The following ZFPM2 variants were observed in gnomAD, a reference collection of about 807,000 sequenced individuals.
ZFPM2 encodes the protein zinc finger protein, FOG family member 2.
ZFPM2 carries 20 observed loss-of-function variants against 98.6 expected under a neutral mutation model. The ratio of observed to expected loss-of-function variants is 0.20; its 90% CI spans 0.14 to 0.29. ZFPM2 has a LOEUF of 0.29. ZFPM2 is among the 10% of genes least tolerant of loss of function. The pLI is 1.00. For synonymous variants in ZFPM2, 518 were observed against 502.7 expected (o/e 1.03, Z -0.41); for missense variants, 1,310 against 1,388.6 (o/e 0.94, Z 0.90).
intron 5 of ZFPM2, among the ~76,000 whole-genome samples, chr8:105,747,356 T>C (rs1264113866): frequency 6.6e-6 from 1 of 152,124 alleles, no homozygotes; most frequent in African/African-American, 2.4e-5. Flanking sequence ...AGTTTGGTCC[T>C]CTTTTGTAAG....
At chr8:105,406,756 A>G (rs139616530) in intron 1 of ZFPM2, among the ~76,000 whole-genome samples, 149 of 152,124 alleles carry the variant, frequency 9.8e-4, no homozygotes, top group African/African-American at 3.3e-3. Flanking sequence ...CATTTTAATC[A>G]AACTTTCGGC....
chr8:105,703,523 T>TA (rs1295247198), intron 5 of ZFPM2, among the ~76,000 whole-genome samples: 1 of 152,120 alleles, frequency 6.6e-6, no homozygotes, highest in East Asian at 1.9e-4. Flanking sequence ...TTGTTTTTTT[T>TA]AATAAGGTCT....
Position 105,762,253 on chromosome 8 carries a change from G to A in ZFPM2, c.533-26465G>A, listed in dbSNP as rs142567074. On this transcript the variant is annotated intron_variant, in intron 5 of 7. Transcript: ENST00000407775. ...GTACTGATAGTATTAGTTCCAAGATGGTGCAAGGTTTTAGACTACAGTATT... is the reference window on the plus strand; with the variant it reads ...GTACTGATAGTATTAGTTCCAAGATAGTGCAAGGTTTTAGACTACAGTATT... Among the ~76,000 whole-genome samples the A allele has an allele frequency of 2.6e-3, 399 of 151,980 alleles. 1 individual carries two copies. The highest frequency in any genetic ancestry group is 8.3e-3 in the African/African-American group (344 of 41,476).
chr8:105,759,795 G>A (rs1256077599), intron 5 of ZFPM2, among the ~76,000 whole-genome samples: 2 of 151,842 alleles, frequency 1.3e-5, no homozygotes, highest in Non-Finnish European at 2.9e-5. Context: ...TTTATATCTT[G>A]CTTACTGGTG....
At chr8:105,721,716 GC>G (rs1351795682) in intron 5 of ZFPM2, among the ~76,000 whole-genome samples, 3 of 151,772 alleles carry the variant, frequency 2.0e-5, no homozygotes, top group Non-Finnish European at 4.4e-5. Context: ...CCTTCATCAG[GC>G]CTTCTATCCA....
At chr8:105,798,658 C>A in intron 6 of ZFPM2, 66 bp from the exon 7 acceptor site, 1 of 1,426,104 alleles carries the variant, frequency 7.0e-7, no homozygotes, top group Non-Finnish European at 9.6e-7. Flanking sequence ...GAACTAAATG[C>A]TGCTTTACCC....
At chr8:105,662,127 GGA>G (rs1817401633) in intron 5 of ZFPM2, among the ~76,000 whole-genome samples, 1 of 152,094 alleles carries the variant, frequency 6.6e-6, no homozygotes, top group Admixed American at 6.6e-5. Flanking sequence ...CACGCGTGAT[GGA>G]GGAGGCAGGG....
At chr8:105,680,105 A>C (rs1159444163) in intron 5 of ZFPM2, among the ~76,000 whole-genome samples, 1 of 152,184 alleles carries the variant, frequency 6.6e-6, no homozygotes, top group Non-Finnish European at 1.5e-5. Flanking sequence ...AAATATTTTG[A>C]AACAAAATAT....
At chr8:105,488,492 T>A (rs549747029) in intron 3 of ZFPM2, among the ~76,000 whole-genome samples, 2 of 152,230 alleles carry the variant, frequency 1.3e-5, no homozygotes, top group South Asian at 4.2e-4. Context: ...CCGGGCGCGG[T>A]GGTTTACACC....
At chr8:105,777,833 T>C (rs1380971034) in intron 5 of ZFPM2, among the ~76,000 whole-genome samples, 2 of 152,180 alleles carry the variant, frequency 1.3e-5, no homozygotes, top group Non-Finnish European at 2.9e-5. Flanking sequence ...AGTTAATACA[T>C]TTATAAGCAA....
intron 5 of ZFPM2, among the ~76,000 whole-genome samples, chr8:105,710,289 T>C (rs1233689146): frequency 2.6e-5 from 4 of 152,190 alleles, no homozygotes; most frequent in Non-Finnish European, 5.9e-5. Context: ...CTGTCGTTTG[T>C]ATTCACTCAG....
At chr8:105,448,544 G>A (rs185217894) in intron 3 of ZFPM2, among the ~76,000 whole-genome samples, 1 of 151,986 alleles carries the variant, frequency 6.6e-6, no homozygotes, top group Admixed American at 6.6e-5. Context: ...TTTCCCTCCT[G>A]TGGGCTTCTT....
chr8:105,416,852 C>G (rs1447498622), intron 1 of ZFPM2, among the ~76,000 whole-genome samples: 2 of 152,034 alleles, frequency 1.3e-5, no homozygotes, highest in African/African-American at 2.4e-5. Flanking sequence ...TTTTTAAAGA[C>G]TAGATCATAA....
At chr8:105,760,354 C>G (rs1187369028) in intron 5 of ZFPM2, among the ~76,000 whole-genome samples, 3 of 152,042 alleles carry the variant, frequency 2.0e-5, no homozygotes, top group Non-Finnish European at 2.9e-5. Context: ...GAATGCAAAG[C>G]TGCATGGTGT....
In ZFPM2 at chr8:105,764,256, A is replaced by ACT. The variant is rs374233678; in HGVS notation, c.533-24451_533-24450dup. Among the ~76,000 whole-genome samples the ACT allele has an allele frequency of 7.9e-3, 1,141 of 144,020 alleles. 16 individuals are homozygous for ACT. Among genetic ancestry groups the ACT allele is most frequent in the African/African-American group, 0.028 (1,084 of 38,700 alleles). The allele number at this position is 144,020 out of a possible 152,430, so 94.5% of individuals were successfully genotyped here. ...TGGTAAAGCTAGATCAAGGTTTAAA[A>ACT]CTCTCTCTCTCTTTCTCTCTCTCTC... On this transcript the variant is annotated intron_variant, in intron 5 of 7. Coordinates refer to ENST00000407775, the MANE Select transcript of ZFPM2 (RefSeq NM_012082.4).
chr8:105,399,509 C>T (rs1225523916), intron 1 of ZFPM2, among the ~76,000 whole-genome samples: 9 of 152,104 alleles, frequency 5.9e-5, no homozygotes, highest in Non-Finnish European at 8.8e-5. Context: ...TGCATTTAAT[C>T]GTTTAGTTGC....
At chr8:105,484,664 A>C (rs1428528281) in intron 3 of ZFPM2, among the ~76,000 whole-genome samples, 4 of 152,174 alleles carry the variant, frequency 2.6e-5, no homozygotes, top group Admixed American at 2.0e-4. Context: ...TTCTCAATAA[A>C]TATTGGCTAC....
intron 3 of ZFPM2, among the ~76,000 whole-genome samples, chr8:105,472,627 C>T (rs1236320931): frequency 2.0e-5 from 3 of 152,020 alleles, no homozygotes; most frequent in African/African-American, 2.4e-5. Context: ...CTCAGCCTCC[C>T]GAGTATCTGG....
chr8:105,665,386 T>C (rs1350948099), intron 5 of ZFPM2, among the ~76,000 whole-genome samples: 3 of 152,190 alleles, frequency 2.0e-5, no homozygotes, highest in African/African-American at 7.2e-5. Context: ...AGCTTATTTA[T>C]TATATTGGTA....
Sources: allele counts gnomAD v4.1 joint callset (sites outside exome capture counted in the v4.1 genomes callset), GRCh38; gene constraint gnomAD v4.1.1; transcripts MANE v1.5; gene names NCBI Gene and HGNC (gene_info 2026-07-23, HGNC 2026-07-21).